The following KAT2B variants were observed in gnomAD, a reference collection of about 807,000 sequenced individuals.
The protein encoded by KAT2B is lysine acetyltransferase 2B, also known as histone acetyltransferase KAT2B.
KAT2B carries 36 observed loss-of-function variants against 105.9 expected under a neutral mutation model. The ratio of observed to expected loss-of-function variants is 0.34; its 90% CI spans 0.26 to 0.45. The LOEUF (loss-of-function observed/expected upper bound fraction) is 0.45, where lower values mean the gene tolerates loss of function less well. Among genes scored for constraint, KAT2B ranks in the 20% least tolerant of loss-of-function variants. The pLI, the probability that KAT2B is intolerant of heterozygous loss-of-function variation, is 1.00. For missense variants in KAT2B, 820 were observed against 1,021.6 expected (o/e 0.80, Z 2.69); for synonymous variants, 397 against 377.9 (o/e 1.05, Z -0.59).
chr3:20,058,279 G>A (rs1472206485), intron 1 of KAT2B, among the ~76,000 whole-genome samples: 2 of 151,848 alleles, frequency 1.3e-5, no homozygotes, highest in African/African-American at 2.4e-5. Context: ...CCAACATGGT[G>A]AAACCCCGTC....
In KAT2B at chr3:20,055,024, C is replaced by T. The variant is rs77510832; in HGVS notation, c.303+14244C>T. Among the ~76,000 whole-genome samples the T allele has an allele frequency of 8.9e-3, 1,350 of 152,018 alleles. 25 individuals carry two copies. The highest frequency in any genetic ancestry group is 0.03 in the African/African-American group (1,257 of 41,448). On this transcript the variant is annotated intron_variant, in intron 1 of 17. Coordinates refer to ENST00000263754, the MANE Select transcript of KAT2B (RefSeq NM_003884.5). ...AGCATGAAGTCAATGCAGAGAGAAACCATTGTGAGCCAGGGGGAGGTGAAA... is the reference window on the plus strand; with the variant it reads ...AGCATGAAGTCAATGCAGAGAGAAATCATTGTGAGCCAGGGGGAGGTGAAA...
intron 16 of KAT2B, 28 bp downstream of exon 16, chr3:20,148,334 C>G (rs773846019): frequency 6.2e-7 from 1 of 1,610,538 alleles, no homozygotes; most frequent in South Asian, 1.1e-5. Flanking sequence ...TCACCTCATG[C>G]AAATATTTTG....
Position 20,074,992 on chromosome 3 carries a change from G to A in KAT2B, c.430+2533G>A, listed in dbSNP as rs570628851. On this transcript the variant is annotated intron_variant, in intron 2 of 17. Transcript: ENST00000263754. ...AAAATATAATACCATAAGGCCGGGC[G>A]TGGTGGCTCACGCCTGTAATTCCAG... Among the ~76,000 whole-genome samples the A allele has an allele frequency of 7.9e-5, 12 of 152,254 alleles. No homozygotes were observed. The South Asian group carries it at 1.9e-3, about 24-fold the overall frequency.
chr3:20,070,480 A>G (rs1225382072), intron 1 of KAT2B, among the ~76,000 whole-genome samples: 1 of 150,082 alleles, frequency 6.7e-6, no homozygotes, highest in African/African-American at 2.4e-5. Context: ...AATTTTTTGT[A>G]TTTTTAGTAG....
chr3:20,084,728 G>T (rs1276851070), intron 2 of KAT2B, among the ~76,000 whole-genome samples: 1 of 152,108 alleles, frequency 6.6e-6, no homozygotes, highest in Non-Finnish European at 1.5e-5. Flanking sequence ...CAAAAAGTTG[G>T]TTCTAAACAG....
At chr3:20,144,171 C>T (rs1699741447) in intron 13 of KAT2B, among the ~76,000 whole-genome samples, 1 of 149,340 alleles carries the variant, frequency 6.7e-6, no homozygotes, top group Non-Finnish European at 1.5e-5. Context: ...ATCTGTAGGT[C>T]ATTGCATTTG....
In KAT2B at chr3:20,066,835, T is replaced by C. The variant is rs149847693; in HGVS notation, c.304-5498T>C. On this transcript the variant is annotated intron_variant, in intron 1 of 17. Coordinates refer to ENST00000263754, the MANE Select transcript of KAT2B (RefSeq NM_003884.5). ...TGAATATTTCAAAATATTATTATAA[T>C]ATGTAATCAATATAAAATAATTCTT... 3.9e-3 allele frequency among the ~76,000 whole-genome samples: 597 copies of C among 152,220 alleles called. 3 individuals carry two copies. Among genetic ancestry groups the C allele is most frequent in the African/African-American group, 0.014 (564 of 41,566 alleles).
intron 3 of KAT2B, among the ~76,000 whole-genome samples, chr3:20,097,970 C>T (rs544907605): frequency 1.3e-5 from 2 of 152,134 alleles, no homozygotes; most frequent in Non-Finnish European, 2.9e-5. Context: ...TGGCTCACAA[C>T]TGTAATCCCA....
chr3:20,150,082 A>G (rs1699846599), intron 17 of KAT2B, among the ~76,000 whole-genome samples: 2 of 152,196 alleles, frequency 1.3e-5, no homozygotes, highest in African/African-American at 4.8e-5. Context: ...AAGGTTGTGA[A>G]CTTCTCCAGT....
chr3:20,137,023 G>A lies in KAT2B; in HGVS notation c.1831G>A (p.Glu611Lys). ...DILNFLTYAD[E>K]YAIGYFKKQG... ...CCTGAACTTCCTCACATATGCAGAT[G>A]AATATGCAATTGGATACTTTAAGAA... The change falls in exon 12 of 18, where the codon GAA becomes AAA. Residue 611 changes from glutamate to lysine, a missense_variant. Around this residue, in one of 6 missense-constraint regions of KAT2B, gnomAD observed 227 missense variants for 292.9 expected, o/e 0.77. Transcript: ENST00000263754. 6.3e-7 allele frequency: 1 copy of A among 1,595,304 alleles called. No homozygotes were observed. The highest frequency in any genetic ancestry group is 8.6e-7 in the Non-Finnish European group (1 of 1,163,052).
At chr3:20,093,275 G>A (rs1698754550) in intron 2 of KAT2B, among the ~76,000 whole-genome samples, 1 of 152,152 alleles carries the variant, frequency 6.6e-6, no homozygotes, top group Non-Finnish European at 1.5e-5. Context: ...GTGGGCAATT[G>A]GTACTCAATT....
chr3:20,088,893 G>T (rs908882806), intron 2 of KAT2B, among the ~76,000 whole-genome samples: 3 of 152,078 alleles, frequency 2.0e-5, no homozygotes, highest in African/African-American at 7.2e-5. Flanking sequence ...TAAGTCTTTA[G>T]TCCATTTTGA....
chr3:20,096,074 C>CTTG (rs1356332947), intron 3 of KAT2B, among the ~76,000 whole-genome samples: 55 of 152,172 alleles, frequency 3.6e-4, no homozygotes, highest in Non-Finnish European at 6.8e-4. Flanking sequence ...GTCTGTACAG[C>CTTG]AAGGAGGGCA....
At chr3:20,075,550 C>T (rs74416814) in intron 2 of KAT2B, among the ~76,000 whole-genome samples, 2,542 of 152,220 alleles carry the variant, frequency 0.017, 76 homozygotes, top group African/African-American at 0.058. Flanking sequence ...TCTGACCTAC[C>T]GGCTATAAAT....
chr3:20,106,415 A>G (rs1575136955), intron 5 of KAT2B, among the ~76,000 whole-genome samples: 3 of 151,078 alleles, frequency 2.0e-5, no homozygotes, highest in African/African-American at 7.3e-5. Flanking sequence ...ATATCAATCA[A>G]TTTATTAAAA....
chr3:20,101,494 T>C, intron 5 of KAT2B, 26 bp downstream of exon 5: 1 of 1,607,182 alleles, frequency 6.2e-7, no homozygotes, highest in Non-Finnish European at 8.5e-7. Context: ...TTCTTTTCCT[T>C]TGGCCCCATA....
intron 2 of KAT2B, among the ~76,000 whole-genome samples, chr3:20,085,003 C>G (rs1003851557): frequency 2.0e-5 from 3 of 151,964 alleles, no homozygotes. Flanking sequence ...AAGGAATTTA[C>G]TTGATATTGT....
intron 1 of KAT2B, among the ~76,000 whole-genome samples, chr3:20,050,191 C>A (rs1317649525): frequency 7.0e-6 from 1 of 143,626 alleles, no homozygotes; most frequent in Non-Finnish European, 1.5e-5. Flanking sequence ...TGGAGTGAGA[C>A]CCTGTCTCAA....
rs1208513259 is a variant in KAT2B at position 20,070,797 on chromosome 3, T to G, written c.304-1536T>G. 2.0e-5 allele frequency among the ~76,000 whole-genome samples: 3 copies of G among 151,328 alleles called. No individual in the cohort carries two copies. The East Asian group carries it at 6.0e-4, about 30-fold the overall frequency. ...GCCAAGGTGGGCGGATCACCTGAGG[T>G]CAGGAGGTCGAGACCAGCCTTGGCA... On this transcript the variant is annotated intron_variant, in intron 1 of 17. Transcript: ENST00000263754.
Sources: gnomAD v4.1 joint callset for allele counts (sites outside exome capture counted in the v4.1 genomes callset) on GRCh38, gnomAD v4.1.1 for gene constraint, gnomAD v4.1.1 regional missense constraint, MANE v1.5 for transcripts, NCBI Gene and HGNC (gene_info 2026-07-23, HGNC 2026-07-21) for gene names.